Variants in PDE4B observed in about 807,000 individuals in gnomAD.
PDE4B encodes 3',5'-cyclic-AMP phosphodiesterase 4B.
Under a neutral mutation model 82.2 loss-of-function variants are expected in PDE4B, and 20 were observed. The observed-to-expected ratio is 0.24, with a 90% CI of 0.17 to 0.35. The LOEUF (loss-of-function observed/expected upper bound fraction) is 0.35. Ranked by LOEUF, PDE4B falls within the 10% of genes least tolerant of loss-of-function variation. The pLI is 1.00. For synonymous variants in PDE4B, 320 were observed against 318.9 expected, an observed-to-expected ratio of 1.00 and a Z score of -0.04; for missense variants, 655 against 907.2, an observed-to-expected ratio of 0.72 and a Z score of 3.57.
At chr1:66,142,919 C>T (rs545475093) in intron 3 of PDE4B, among the ~76,000 whole-genome samples, 5 of 152,272 alleles carry the variant, frequency 3.3e-5, no homozygotes, top group African/African-American at 1.2e-4. Flanking sequence ...TCTCTCCCAG[C>T]ATCAGAGAAT....
At chr1:66,359,661 T>G (rs917761723) in intron 9 of PDE4B, among the ~76,000 whole-genome samples, 1 of 152,146 alleles carries the variant, frequency 6.6e-6, no homozygotes, top group African/African-American at 2.4e-5. Flanking sequence ...CTAGAAATGG[T>G]TATATGTGCA....
chr1:65,872,593 A>G (rs1335391291), intron 1 of PDE4B, among the ~76,000 whole-genome samples: 1 of 152,202 alleles, frequency 6.6e-6, no homozygotes, highest in Non-Finnish European at 1.5e-5. Flanking sequence ...GAAGCAGAGG[A>G]AAAAGCAGCT....
chr1:65,969,237 C>T (rs1391203243), intron 3 of PDE4B, among the ~76,000 whole-genome samples: 1 of 152,160 alleles, frequency 6.6e-6, no homozygotes, highest in Non-Finnish European at 1.5e-5. Context: ...CTGACAGCCG[C>T]CACCATCTCA....
intron 3 of PDE4B, among the ~76,000 whole-genome samples, chr1:66,111,668 C>T (rs1229533164): frequency 3.3e-5 from 5 of 152,010 alleles, no homozygotes; most frequent in Non-Finnish European, 7.4e-5. Context: ...TCCATTCATC[C>T]GTTGGTAAAC....
At chr1:66,103,788 C>T (rs1645276563) in intron 3 of PDE4B, among the ~76,000 whole-genome samples, 1 of 152,080 alleles carries the variant, frequency 6.6e-6, no homozygotes, top group Non-Finnish European at 1.5e-5. Context: ...ATGAAATTCA[C>T]TTTTCATTAC....
At chr1:66,298,444 C>A (rs1329271910) in intron 7 of PDE4B, among the ~76,000 whole-genome samples, 1 of 152,142 alleles carries the variant, frequency 6.6e-6, no homozygotes, top group East Asian at 1.9e-4. Flanking sequence ...TACTATGTGC[C>A]AGATACTTCA....
At chr1:66,132,976 C>A (rs532406192) in intron 3 of PDE4B, among the ~76,000 whole-genome samples, 1 of 152,250 alleles carries the variant, frequency 6.6e-6, no homozygotes, top group South Asian at 2.1e-4. Context: ...TTTGGAAATT[C>A]TTTTCTTCTG....
At chr1:66,301,445 A>G (rs495477) in intron 7 of PDE4B, among the ~76,000 whole-genome samples, 62,984 of 151,938 alleles carry the variant, frequency 0.41, 15,566 homozygotes, top group Non-Finnish European at 0.56. Flanking sequence ...TATTATCTCT[A>G]TGTCACAGAG....
chr1:66,317,849 A>G (rs1015206167), intron 7 of PDE4B, among the ~76,000 whole-genome samples: 1 of 152,216 alleles, frequency 6.6e-6, no homozygotes, highest in Non-Finnish European at 1.5e-5. Flanking sequence ...GTGAGCCGTG[A>G]TCACGCCATT....
chr1:65,834,763 A>G (rs1323241388), intron 1 of PDE4B, among the ~76,000 whole-genome samples: 1 of 152,106 alleles, frequency 6.6e-6, no homozygotes, highest in African/African-American at 2.4e-5. Context: ...TCCAAATTTC[A>G]TTTTGCCACT....
At chr1:65,873,984 T>C (rs564594897) in intron 1 of PDE4B, among the ~76,000 whole-genome samples, 3 of 151,428 alleles carry the variant, frequency 2.0e-5, no homozygotes, top group South Asian at 2.1e-4. Context: ...GGGGATGGCA[T>C]TGAATCTGTA....
At position 66,135,796 on chromosome 1, in the gene PDE4B, A is replaced by G. The variant is rs535151789; in HGVS notation, c.282-111664A>G. 5.3e-5 allele frequency among the ~76,000 whole-genome samples: 8 copies of G among 152,322 alleles called. No individual in the cohort carries two copies. In the East Asian group the frequency reaches 1.3e-3, roughly 26 times the overall value. On this transcript the variant is annotated intron_variant, in intron 3 of 16. Coordinates refer to ENST00000341517, the MANE Select transcript of PDE4B (RefSeq NM_002600.4). The stretch of plus-strand genomic sequence containing the variant: ...TCTCGTGGTCAATTTTTGCTCTCCA[A>G]TACTCTCATTTTGATAATTAAAATA...
rs537104174 is a variant in PDE4B, at chr1:66,101,470, T to C, written c.282-145990T>C. On this transcript the variant is annotated intron_variant, in intron 3 of 16. Transcript: ENST00000341517. ...CAAACTGTGTAAAAGCATTCCTATCTCTCCACATCCTCTCCAGCACCTGTT... is the reference window on the plus strand; with the variant it reads ...CAAACTGTGTAAAAGCATTCCTATCCCTCCACATCCTCTCCAGCACCTGTT... Among the ~76,000 whole-genome samples the C allele has an allele frequency of 1.6e-4, 25 of 152,294 alleles. No individual in the cohort carries two copies. In the East Asian group the frequency reaches 2.9e-3, roughly 18 times the overall value.
At chr1:66,317,174 A>G (rs1659084928) in intron 7 of PDE4B, among the ~76,000 whole-genome samples, 1 of 152,208 alleles carries the variant, frequency 6.6e-6, no homozygotes, top group African/African-American at 2.4e-5. Context: ...TTCCTAACAC[A>G]CACAGAAAAC....
chr1:65,796,797 G>A lies in PDE4B; in HGVS notation c.-71+3549G>A, dbSNP rs558648928. 5.9e-5 allele frequency among the ~76,000 whole-genome samples: 9 copies of A among 151,530 alleles called. No homozygotes were observed. In the South Asian group the frequency reaches 6.3e-4, roughly 11 times the overall value. ...CCTGAGTACCTGGGACTATAGGTGC[G>A]TGCCACCATGCCCAGGTAATTTTTT... On this transcript the variant is annotated intron_variant, in intron 1 of 16. Coordinates refer to ENST00000341517, the MANE Select transcript of PDE4B (RefSeq NM_002600.4).
At chr1:65,826,125 C>A (rs564516578) in intron 1 of PDE4B, among the ~76,000 whole-genome samples, 12 of 152,252 alleles carry the variant, frequency 7.9e-5, no homozygotes, top group Non-Finnish European at 1.3e-4. Flanking sequence ...GTTCACATTT[C>A]ATAGGAATTC....
In PDE4B at chr1:65,920,786, A is replaced by G. The variant is rs544968721; in HGVS notation, c.281+1951A>G. Among the ~76,000 whole-genome samples the G allele has an allele frequency of 7.4e-5, 11 of 148,568 alleles. No individual in the cohort carries two copies. In the South Asian group the frequency reaches 2.4e-3, roughly 32 times the overall value. ...TCTTGGCGTCAGTATTTTAGGTTGA[A>G]ATGGAAAATTTAGCCATTATTCATG... On this transcript the variant is annotated intron_variant, in intron 3 of 16. Transcript: ENST00000341517.
At chr1:65,999,412 T>C (rs1651737186) in intron 3 of PDE4B, among the ~76,000 whole-genome samples, 1 of 152,214 alleles carries the variant, frequency 6.6e-6, no homozygotes, top group Non-Finnish European at 1.5e-5. Flanking sequence ...CCTGTGAGCC[T>C]GCTTTCTGTT....
chr1:65,965,653 T>C (rs1254680888), intron 3 of PDE4B, among the ~76,000 whole-genome samples: 1 of 152,014 alleles, frequency 6.6e-6, no homozygotes, highest in Non-Finnish European at 1.5e-5. Context: ...TTCCAATTAA[T>C]AGATCAAGGT....
Sources: allele counts gnomAD v4.1 joint callset (sites outside exome capture counted in the v4.1 genomes callset), GRCh38; gene constraint gnomAD v4.1.1; transcripts MANE v1.5; gene names NCBI Gene and HGNC (gene_info 2026-07-23, HGNC 2026-07-21).